ADCY2: variants seen among roughly 807,000 people sequenced by gnomAD.
The protein encoded by ADCY2 is adenylate cyclase 2, also known as adenylate cyclase type 2.
A neutral mutation model predicts 125.2 loss-of-function variants in ADCY2; 31 were observed. The observed-to-expected ratio is 0.25, with a 90% confidence interval of 0.19 to 0.33. The LOEUF (loss-of-function observed/expected upper bound fraction) is 0.33, where lower values mean the gene tolerates loss of function less well. Ranked by LOEUF, ADCY2 falls within the 10% of genes least tolerant of loss-of-function variation. The pLI, the probability that ADCY2 is intolerant of heterozygous loss-of-function variation, is 1.00. For synonymous variants in ADCY2, 512 were observed against 548.4 expected (o/e 0.93, Z 0.93); for missense variants, 904 against 1,418.2 (o/e 0.64, Z 5.82).
chr5:7,520,975 T>C, intron 3 of ADCY2, 76 bp downstream of exon 3: 3 of 1,564,282 alleles, frequency 1.9e-6, no homozygotes, highest in Non-Finnish European at 2.6e-6. Context: ...TGCTGGCCCA[T>C]TCAGGGTGTG....
chr5:7,539,573 C>G (rs1244022386), intron 3 of ADCY2, among the ~76,000 whole-genome samples: 2 of 152,206 alleles, frequency 1.3e-5, no homozygotes, highest in Non-Finnish European at 2.9e-5. Context: ...TTGGGTCTTT[C>G]CAATCACTCA....
intron 3 of ADCY2, among the ~76,000 whole-genome samples, chr5:7,570,636 A>T (rs1473053937): frequency 6.9e-6 from 1 of 144,096 alleles, no homozygotes; most frequent in Non-Finnish European, 1.5e-5. Flanking sequence ...AAAAAAAAAA[A>T]ATGCTTGTGT....
chr5:7,411,732 C>T (rs1739724598), intron 1 of ADCY2, among the ~76,000 whole-genome samples: 1 of 152,088 alleles, frequency 6.6e-6, no homozygotes, highest in Non-Finnish European at 1.5e-5. Context: ...ATACTTTACC[C>T]AGAAAAATAA....
At position 7,828,934 on chromosome 5, in the gene ADCY2, C is replaced by T. The variant is rs1745564641; in HGVS notation, c.*2063C>T. Reference sequence around the variant, plus strand: ...CAAGTTCTCATAAACAGAGTCCCTCCCATTCCCCCACGGGGTGCACCGAAC... The same window carrying T: ...CAAGTTCTCATAAACAGAGTCCCTCTCATTCCCCCACGGGGTGCACCGAAC... On this transcript the variant is annotated 3_prime_UTR_variant, in exon 25 of 25. Transcript: ENST00000338316. 1 of 152,362 alleles carries T rather than the reference C, an allele frequency of 6.6e-6. No individual in the cohort carries two copies. Among genetic ancestry groups the T allele is most frequent in the African/African-American group, 2.4e-5 (1 of 41,434 alleles). The allele number at this position is 152,362 out of a possible 1,614,324, so 9.4% of individuals were successfully genotyped here. A position where few individuals can be genotyped will look rare whatever the true frequency, so the allele number is the denominator to read the frequency against.
intron 2 of ADCY2, among the ~76,000 whole-genome samples, chr5:7,433,240 G>A (rs1414063765): frequency 6.6e-6 from 1 of 152,108 alleles, no homozygotes; most frequent in East Asian, 1.9e-4. Context: ...TACTGAGATG[G>A]TCTAAGAAAA....
At chr5:7,546,160 T>C (rs1398239131) in intron 3 of ADCY2, among the ~76,000 whole-genome samples, 4 of 152,196 alleles carry the variant, frequency 2.6e-5, no homozygotes, top group Non-Finnish European at 5.9e-5. Flanking sequence ...TTATGTTTTC[T>C]TGTGCGGATT....
intron 14 of ADCY2, among the ~76,000 whole-genome samples, chr5:7,737,966 G>C (rs1327578358): frequency 6.6e-6 from 1 of 152,074 alleles, no homozygotes; most frequent in Non-Finnish European, 1.5e-5. Flanking sequence ...AAGTCGAGAT[G>C]AAATACATTC....
chr5:7,766,882 T>A, intron 17 of ADCY2, 76 bp downstream of exon 17: 1 of 1,518,830 alleles, frequency 6.6e-7, no homozygotes, highest in Non-Finnish European at 8.8e-7. Flanking sequence ...TATCCTTTAG[T>A]CTCAGATCTG....
At position 7,576,269 on chromosome 5, in the gene ADCY2, G is replaced by T. The variant is rs1173883999; in HGVS notation, c.571-49898G>T. On this transcript the variant is annotated intron_variant, in intron 3 of 24. Coordinates refer to ENST00000338316, the MANE Select transcript of ADCY2 (RefSeq NM_020546.3). Reference sequence around the variant, plus strand: ...GTTCTGTGCTAAATCTTCAGCCTCGGTTTATGACTCCTTGGGGGAGGGACA... The same window carrying T: ...GTTCTGTGCTAAATCTTCAGCCTCGTTTTATGACTCCTTGGGGGAGGGACA... 2.0e-5 allele frequency among the ~76,000 whole-genome samples: 3 copies of T among 152,320 alleles called. No homozygotes were observed. The South Asian group carries it at 6.2e-4, about 32-fold the overall frequency.
Position 7,698,201 on chromosome 5 carries a change from C to G in ADCY2, c.982-46C>G, listed in dbSNP as rs778307357. The stretch of plus-strand genomic sequence containing the variant: ...TGATATTACATGAATCTAGATCATT[C>G]TGCAAGTGCTTAATGCAACTGAAAT... On this transcript the variant is annotated intron_variant, in intron 6 of 24. Transcript: ENST00000338316. 2.5e-6 allele frequency: 4 copies of G among 1,609,696 alleles called. 1 individual carries two copies. In the Admixed American group the frequency reaches 6.7e-5, roughly 27 times the overall value.
intron 3 of ADCY2, among the ~76,000 whole-genome samples, chr5:7,614,883 A>T (rs1687276925): frequency 1.3e-5 from 2 of 152,174 alleles, no homozygotes; most frequent in South Asian, 4.1e-4. Flanking sequence ...CCCTCCTTGT[A>T]TTAGTCTGTT....
intron 19 of ADCY2, among the ~76,000 whole-genome samples, chr5:7,787,560 C>T (rs1297222831): frequency 6.6e-6 from 1 of 152,186 alleles, no homozygotes; most frequent in African/African-American, 2.4e-5. Context: ...GGGGGCCTTT[C>T]ATACAAGCTG....
chr5:7,603,565 C>A (rs776728494), intron 3 of ADCY2, among the ~76,000 whole-genome samples: 2 of 152,120 alleles, frequency 1.3e-5, no homozygotes, highest in African/African-American at 4.8e-5. Flanking sequence ...CCTCCTTGGA[C>A]GGAGAGTGCC....
chr5:7,452,206 C>T (rs1579457532), intron 2 of ADCY2, among the ~76,000 whole-genome samples: 1 of 152,180 alleles, frequency 6.6e-6, no homozygotes, highest in African/African-American at 2.4e-5. Flanking sequence ...AGCAACCGTG[C>T]CCGGCCCCCA....
rs754532650 is a variant in ADCY2 at position 7,501,131 on chromosome 5, TAAAA to T, written c.409-19595_409-19592del. 1.2e-3 allele frequency among the ~76,000 whole-genome samples: 169 copies of T among 143,996 alleles called. 1 individual carries two copies. Among genetic ancestry groups the T allele is most frequent in the African/African-American group, 1.5e-3 (59 of 39,250 alleles). 94.5% of individuals were successfully genotyped at this position (143,996 alleles called of 152,430 possible). On this transcript the variant is annotated intron_variant, in intron 2 of 24. Coordinates refer to ENST00000338316, the MANE Select transcript of ADCY2 (RefSeq NM_020546.3). ...TACAATTTAAATAAAAGCTTTTTTTTAAAAAAAAAAAAAAAGGTCTACATTTTCT... is the reference window on the plus strand; with the variant it reads ...TACAATTTAAATAAAAGCTTTTTTTTAAAAAAAAAAAGGTCTACATTTTCT...
At chr5:7,598,300 A>G (rs1412799791) in intron 3 of ADCY2, among the ~76,000 whole-genome samples, 2 of 152,176 alleles carry the variant, frequency 1.3e-5, no homozygotes, top group Non-Finnish European at 2.9e-5. Flanking sequence ...CTCAGAAGCA[A>G]GGTGGCTGCA....
intron 19 of ADCY2, among the ~76,000 whole-genome samples, chr5:7,787,936 T>G (rs1216636039): frequency 6.6e-6 from 1 of 152,194 alleles, no homozygotes; most frequent in Non-Finnish European, 1.5e-5. Context: ...TGGTTTCATC[T>G]CATGCTTCAC....
At chr5:7,568,405 G>A (rs1173340829) in intron 3 of ADCY2, among the ~76,000 whole-genome samples, 1 of 151,920 alleles carries the variant, frequency 6.6e-6, no homozygotes, top group African/African-American at 2.4e-5. Context: ...CCTTAATGAT[G>A]GTAAAATAAT....
At chr5:7,741,405 A>G (rs865981262) in intron 14 of ADCY2, among the ~76,000 whole-genome samples, 42 of 152,266 alleles carry the variant, frequency 2.8e-4, no homozygotes, top group Middle Eastern at 3.4e-3. Flanking sequence ...ACTACTATAT[A>G]GGATTATTGT....
Sources: gnomAD v4.1 joint callset for allele counts (sites outside exome capture counted in the v4.1 genomes callset) on GRCh38, gnomAD v4.1.1 for gene constraint, MANE v1.5 for transcripts, NCBI Gene and HGNC (gene_info 2026-07-23, HGNC 2026-07-21) for gene names.